PIK3AP1: variants seen among roughly 807,000 people sequenced by gnomAD.
PIK3AP1 encodes phosphoinositide-3-kinase adaptor protein 1, also known as phosphoinositide 3-kinase adapter protein 1.
PIK3AP1 carries 21 observed loss-of-function variants against 88.1 expected under a neutral mutation model. That is an observed-to-expected ratio of 0.24 (90% CI 0.17 to 0.34). The LOEUF is 0.34. PIK3AP1 is among the 10% of genes least tolerant of loss of function. The pLI is 1.00. For missense variants in PIK3AP1, 828 were observed against 1,035.7 expected (o/e 0.80, Z 2.75); for synonymous variants, 398 against 400.0 (o/e 1.00, Z 0.06).
At chr10:96,677,623 AC>A (rs1564980847) in intron 2 of PIK3AP1, among the ~76,000 whole-genome samples, 9 of 150,794 alleles carry the variant, frequency 6.0e-5, no homozygotes, top group African/African-American at 9.9e-5. Flanking sequence ...ACACACACAC[AC>A]ACAAAAGGCC....
chr10:96,651,676 A>C (rs892631025), intron 4 of PIK3AP1, 25 bp from the exon 5 acceptor site: 6 of 1,610,284 alleles, frequency 3.7e-6, no homozygotes, highest in African/African-American at 1.3e-5. Flanking sequence ...AGACACTATC[A>C]AAATTCCCAG....
At chr10:96,641,334 G>A (rs1218668560) in intron 8 of PIK3AP1, among the ~76,000 whole-genome samples, 6 of 152,072 alleles carry the variant, frequency 3.9e-5, no homozygotes, top group Non-Finnish European at 7.4e-5. Context: ...CCAAACTCAA[G>A]TCAGAAAGAT....
Position 96,602,368 on chromosome 10 carries a change from G to A in PIK3AP1, c.2272C>T (p.Arg758Cys), listed in dbSNP as rs750819512. The A allele has an allele frequency of 6.8e-6, 11 of 1,612,662 alleles. No individual in the cohort carries two copies. The highest frequency in any genetic ancestry group is 3.3e-5 in the Admixed American group (2 of 59,928). Residue 758 changes from arginine to cysteine, a missense_variant, in exon 16 of 17, where the codon CGC becomes TGC. By Grantham distance (180) the Arg-to-Cys change is radical. Transcript: ENST00000339364. ...DNEVPEVTRSRSPGPPQVDGT... is the reference protein window; with the variant it reads ...DNEVPEVTRSCSPGPPQVDGT... The stretch of plus-strand genomic sequence containing the variant: ...TCCACTTGTGGGGGGCCTGGACTGC[G>A]ACTTCTGGTAACCTCAGGGACTTCA...
chr10:96,647,320 G>C (rs895613944), intron 7 of PIK3AP1, among the ~76,000 whole-genome samples: 14 of 152,330 alleles, frequency 9.2e-5, no homozygotes, highest in African/African-American at 3.4e-4. Context: ...GCCTTTCTAA[G>C]CCGTTTTCCT....
chr10:96,678,728 GC>G (rs1436827334), intron 2 of PIK3AP1, among the ~76,000 whole-genome samples: 1 of 152,148 alleles, frequency 6.6e-6, no homozygotes, highest in Non-Finnish European at 1.5e-5. Context: ...GAGCCTCTGT[GC>G]CCACTGCCTC....
rs1424378426 is a variant in PIK3AP1 at position 96,626,693 on chromosome 10, C to G, written c.1669+15G>C. 1.9e-6 allele frequency: 3 copies of G among 1,611,898 alleles called. No homozygotes were observed. The highest frequency in any genetic ancestry group is 2.5e-6 in the Non-Finnish European group (3 of 1,178,362). Reference sequence around the variant, plus strand: ...TCCAAAGACCCAGTTGGACATCATTCCCTGCCATACTTGCCTTTAAAAATG... The same window carrying G: ...TCCAAAGACCCAGTTGGACATCATTGCCTGCCATACTTGCCTTTAAAAATG... On this transcript the variant is annotated intron_variant, in intron 10 of 16. Transcript: ENST00000339364.
intron 8 of PIK3AP1, among the ~76,000 whole-genome samples, chr10:96,635,924 T>A (rs1033812551): frequency 6.6e-6 from 1 of 150,762 alleles, no homozygotes; most frequent in African/African-American, 2.4e-5. Context: ...AAAAGAAAAC[T>A]AGGCCGGGCA....
Position 96,712,904 on chromosome 10 carries a change from G to A in PIK3AP1, c.14-2921C>T, listed in dbSNP as rs1844456760. On this transcript the variant is annotated intron_variant, in intron 1 of 16. Transcript: ENST00000339364. ...TATGCGTATCATGTCAACAATTTGT[G>A]CAATAAGCAGAAGGAGAATAAAATC... 1.3e-5 allele frequency among the ~76,000 whole-genome samples: 2 copies of A among 152,240 alleles called. 1 individual carries two copies. The highest frequency in any genetic ancestry group is 1.3e-4 in the Admixed American group (2 of 15,286).
chr10:96,712,618 T>C (rs1477327077), intron 1 of PIK3AP1, among the ~76,000 whole-genome samples: 1 of 152,260 alleles, frequency 6.6e-6, no homozygotes, highest in Non-Finnish European at 1.5e-5. Context: ...CAGAGTTAAA[T>C]TATCAGAATA....
chr10:96,597,773 C>T (rs990648305), intron 16 of PIK3AP1, among the ~76,000 whole-genome samples: 5 of 152,050 alleles, frequency 3.3e-5, no homozygotes, highest in Admixed American at 6.6e-5. Context: ...GAGATAATGA[C>T]GATTAAAGAT....
chr10:96,619,437 T>A (rs2134200024), intron 12 of PIK3AP1: 1 of 152,370 alleles, frequency 6.6e-6, no homozygotes, highest in East Asian at 1.9e-4. Context: ...GTAAGCAGGG[T>A]CGGGCCTGGC....
chr10:96,674,166 A>G (rs955588612), intron 2 of PIK3AP1, among the ~76,000 whole-genome samples: 2 of 152,210 alleles, frequency 1.3e-5, no homozygotes, highest in Admixed American at 1.3e-4. Flanking sequence ...TTAACCCAGG[A>G]GTTGCTGGCC....
intron 10 of PIK3AP1, among the ~76,000 whole-genome samples, chr10:96,626,331 C>G (rs540365092): frequency 6.6e-6 from 1 of 152,222 alleles, no homozygotes; most frequent in African/African-American, 2.4e-5. Flanking sequence ...TGGTCCTTAC[C>G]TAATAGGTTA....
At chr10:96,673,331 T>C (rs1394108980) in intron 2 of PIK3AP1, among the ~76,000 whole-genome samples, 1 of 152,190 alleles carries the variant, frequency 6.6e-6, no homozygotes, top group African/African-American at 2.4e-5. Flanking sequence ...GTAAGCTTCC[T>C]TGGCGGGGTT....
chr10:96,682,013 TAGA>T (rs1470625605), intron 2 of PIK3AP1, among the ~76,000 whole-genome samples: 6 of 108,558 alleles, frequency 5.5e-5, no homozygotes, highest in Middle Eastern at 4.8e-3. Flanking sequence ...TATATATATA[TAGA>T]GAGAGAGAGA....
chr10:96,629,930 A>AAAAAAAATAAG (rs776780994), intron 8 of PIK3AP1, among the ~76,000 whole-genome samples: 1 of 13,724 alleles, frequency 7.3e-5, no homozygotes, highest in Non-Finnish European at 1.6e-4. Flanking sequence ...AAAAAAAAAA[A>AAAAAAAATAAG]AAGAAGAAGA....
intron 2 of PIK3AP1, among the ~76,000 whole-genome samples, chr10:96,699,913 T>C (rs1844273276): frequency 6.6e-6 from 1 of 152,184 alleles, no homozygotes; most frequent in African/African-American, 2.4e-5. Flanking sequence ...GTAACACAGA[T>C]GTCAGGTCCC....
intron 8 of PIK3AP1, chr10:96,632,854 G>C (rs779505553): frequency 6.2e-7 from 1 of 1,607,910 alleles, no homozygotes; most frequent in Non-Finnish European, 8.5e-7. Context: ...ACACCAACCA[G>C]TATTTTTAGG....
chr10:96,645,436 C>T (rs1456828582), intron 8 of PIK3AP1, 37 bp downstream of exon 8: 2 of 1,598,212 alleles, frequency 1.3e-6, no homozygotes, highest in Non-Finnish European at 1.7e-6. Flanking sequence ...TGTTTCTCAG[C>T]AGAAAGGTGG....
Sources: allele counts gnomAD v4.1 joint callset (sites outside exome capture counted in the v4.1 genomes callset), GRCh38; gene constraint gnomAD v4.1.1; transcripts MANE v1.5; gene names NCBI Gene and HGNC (gene_info 2026-07-23, HGNC 2026-07-21).